The following PRMT7 variants were observed in gnomAD, a reference collection of about 807,000 sequenced individuals.
The protein encoded by PRMT7 is protein arginine N-methyltransferase 7.
A neutral mutation model predicts 85.4 loss-of-function variants in PRMT7; 75 were observed. That is an observed-to-expected ratio of 0.88 (90% CI 0.73 to 1.06). PRMT7 has a LOEUF of 1.06. PRMT7 is among the 50% of genes least tolerant of loss of function. The probability of loss-of-function intolerance (pLI) is 0.00; values close to 1 mark genes in which losing one functional copy is unlikely to be tolerated. For missense variants in PRMT7, 868 were observed against 915.2 expected (o/e 0.95, Z 0.67); for synonymous variants, 397 against 359.5 (o/e 1.10, Z -1.18).
intron 9 of PRMT7, among the ~76,000 whole-genome samples, chr16:68,343,731 A>C (rs181567042): frequency 6.6e-6 from 1 of 152,262 alleles, no homozygotes; most frequent in Admixed American, 6.5e-5. Flanking sequence ...TATTCCTGTT[A>C]CTATTTATTT....
Position 68,318,018 on chromosome 16 carries a change from A to G in PRMT7, c.95+1944A>G, listed in dbSNP as rs1241695397. On this transcript the variant is annotated intron_variant, in intron 3 of 18. Coordinates refer to ENST00000441236, the MANE Select transcript of PRMT7 (RefSeq NM_019023.5). ...GGAAGAGGAACATGAGTTTAAGTCCAAGCTTTGCCACTTCTTTACTCTCTT... is the reference window on the plus strand; with the variant it reads ...GGAAGAGGAACATGAGTTTAAGTCCGAGCTTTGCCACTTCTTTACTCTCTT... 2.0e-5 allele frequency among the ~76,000 whole-genome samples: 3 copies of G among 152,030 alleles called. No individual in the cohort carries two copies. The East Asian group carries it at 5.8e-4, about 29-fold the overall frequency.
chr16:68,343,906 T>C (rs1295160405), intron 9 of PRMT7, among the ~76,000 whole-genome samples: 1 of 152,208 alleles, frequency 6.6e-6, no homozygotes, highest in Non-Finnish European at 1.5e-5. Flanking sequence ...GCCAAGTTTT[T>C]CTTAGTTCCT....
intron 6 of PRMT7, among the ~76,000 whole-genome samples, chr16:68,335,124 T>C (rs2084469706): frequency 6.6e-6 from 1 of 152,212 alleles, no homozygotes; most frequent in South Asian, 2.1e-4. Context: ...TGAAGCAATT[T>C]GGACTATAAA....
chr16:68,318,361 G>A (rs773404504), intron 3 of PRMT7, among the ~76,000 whole-genome samples: 10 of 151,794 alleles, frequency 6.6e-5, no homozygotes, highest in Admixed American at 2.0e-4. Flanking sequence ...TGCCACGCCC[G>A]GCTAATTTTT....
rs190158729 is a variant in PRMT7, at chr16:68,332,778, C to T, written c.391+3604C>T. On this transcript the variant is annotated intron_variant, in intron 6 of 18. Transcript: ENST00000441236. Reference sequence around the variant, plus strand: ...CTGCCGTGCTCTGTGTCACCTCTTACCCTATACTGTGGTCTGGAAAGGGTC... The same window carrying T: ...CTGCCGTGCTCTGTGTCACCTCTTATCCTATACTGTGGTCTGGAAAGGGTC... 3.0e-3 allele frequency among the ~76,000 whole-genome samples: 464 copies of T among 152,296 alleles called. 3 individuals are homozygous for T. Among genetic ancestry groups the T allele is most frequent in the African/African-American group, 0.011 (438 of 41,542 alleles).
At chr16:68,342,179 G>A (rs1597379420) in intron 9 of PRMT7, among the ~76,000 whole-genome samples, 1 of 152,148 alleles carries the variant, frequency 6.6e-6, no homozygotes, top group African/African-American at 2.4e-5. Flanking sequence ...TCGGGAGGCT[G>A]AGGCAGGAGA....
chr16:68,359,041 G>A (rs969862417), downstream of PRMT7: 4 of 152,650 alleles, frequency 2.6e-5, no homozygotes, highest in Non-Finnish European at 5.9e-5. Context: ...GCCTAAGGCC[G>A]CCTGTGAGGT....
chr16:68,313,138 G>A (rs1303164411), intron 2 of PRMT7, among the ~76,000 whole-genome samples: 1 of 152,134 alleles, frequency 6.6e-6, no homozygotes. Context: ...TCCAGGTTTT[G>A]AAAAGACACT....
intron 6 of PRMT7, 111 bp downstream of exon 6, chr16:68,329,285 C>A: frequency 1.4e-6 from 1 of 726,350 alleles, no homozygotes; most frequent in South Asian, 1.7e-5. Flanking sequence ...GAAGTGGGAC[C>A]TCTCTGTGTG....
In PRMT7 at chr16:68,339,921, T is replaced by C. The variant is rs769806366; in HGVS notation, c.880T>C (p.Cys294Arg). The stretch of plus-strand genomic sequence containing the variant: ...AATGGACCCTGAGGGGAAGATCAAG[T>C]GCACCATGGCCCCCTTCTGGGCACA... ...IEMDPEGKIK[C>R]TMAPFWAHSD... Residue 294 changes from cysteine to arginine, a missense_variant, in exon 9 of 19, where the codon TGC becomes CGC. By Grantham distance (180) the Cys-to-Arg change is radical. Transcript: ENST00000441236. 6.2e-7 allele frequency: 1 copy of C among 1,614,128 alleles called. No homozygotes were observed. Among genetic ancestry groups the C allele is most frequent in the Non-Finnish European group, 8.5e-7 (1 of 1,180,028 alleles).
chr16:68,346,666 C>T (rs1229706761), intron 11 of PRMT7, among the ~76,000 whole-genome samples: 28 of 152,106 alleles, frequency 1.8e-4, no homozygotes, highest in Admixed American at 1.8e-3. Flanking sequence ...CCTTTGCTCC[C>T]TGCTACCTGT....
At chr16:68,314,847 A>G (rs550802677) in intron 2 of PRMT7, among the ~76,000 whole-genome samples, 4 of 152,326 alleles carry the variant, frequency 2.6e-5, no homozygotes, top group Admixed American at 1.3e-4. Flanking sequence ...CAGGCCATAC[A>G]AGACGTGAAT....
chr16:68,324,688 A>G lies in PRMT7; in HGVS notation c.138A>G (p.Val46=). ...ADMLHDKDRN[V]KYYQGIRAAV... Reference sequence around the variant, plus strand: ...GACGGCCATGTCTTCCTTAGAATGTAAAATACTACCAAGGTATCCGGGCTG... The same window carrying G: ...GACGGCCATGTCTTCCTTAGAATGTGAAATACTACCAAGGTATCCGGGCTG... Residue 46 remains valine, a synonymous_variant, in exon 5 of 19, where the codon GTA becomes GTG. Transcript: ENST00000441236. The G allele has an allele frequency of 6.2e-7, 1 of 1,614,194 alleles. No homozygotes were observed. The highest frequency in any genetic ancestry group is 1.3e-5 in the African/African-American group (1 of 75,082).
intron 14 of PRMT7, among the ~76,000 whole-genome samples, chr16:68,351,020 A>G (rs1025263120): frequency 1.3e-5 from 2 of 152,244 alleles, no homozygotes; most frequent in Non-Finnish European, 2.9e-5. Context: ...TAATGCTGCT[A>G]TAAATATTCA....
chr16:68,352,504 C>A, intron 15 of PRMT7, 95 bp downstream of exon 15: 1 of 1,265,736 alleles, frequency 7.9e-7, no homozygotes, highest in Non-Finnish European at 1.1e-6. Context: ...TAGAGCGGCT[C>A]AGGCCTTGAT....
chr16:68,348,537 C>T, intron 14 of PRMT7, 106 bp downstream of exon 14: 2 of 834,670 alleles, frequency 2.4e-6, no homozygotes, highest in Non-Finnish European at 3.7e-6. Context: ...ACAGTGGGTC[C>T]TCCACATGCA....
chr16:68,322,515 C>T lies in PRMT7; in HGVS notation c.132+1053C>T, dbSNP rs538358367. On this transcript the variant is annotated intron_variant, in intron 4 of 18. Transcript: ENST00000441236. ...GCCCGGCCATCGTGTGCTTGTTTAC[C>T]ATGTGTATATCTTTGTTCTAGTCTA... The T allele has an allele frequency of 5.5e-4, 214 of 389,302 alleles. 1 individual carries two copies. The highest frequency in any genetic ancestry group is 3.8e-3 in the South Asian group (202 of 53,818). The allele number at this position is 389,302 out of a possible 1,614,324, so 24.1% of individuals were successfully genotyped here. A position where few individuals can be genotyped will look rare whatever the true frequency, so the allele number is the denominator to read the frequency against.
At chr16:68,355,312 G>T (rs1023738331) in intron 16 of PRMT7, 1 of 156,840 alleles carries the variant, frequency 6.4e-6, no homozygotes, top group Non-Finnish European at 1.4e-5. Flanking sequence ...GGATGCAGGT[G>T]CCCCCAGCCT....
chr16:68,324,574 A>T (rs1285608960), intron 4 of PRMT7, 109 bp from the exon 5 acceptor site: 11 of 1,349,502 alleles, frequency 8.2e-6, no homozygotes, highest in African/African-American at 1.4e-5. Context: ...GAAAGGCCAT[A>T]GGGCCCTGAC....
Sources: allele counts gnomAD v4.1 joint callset (sites outside exome capture counted in the v4.1 genomes callset), GRCh38; gene constraint gnomAD v4.1.1; transcripts MANE v1.5; gene names NCBI Gene and HGNC (gene_info 2026-07-23, HGNC 2026-07-21).